Variants in RAB38 observed in about 807,000 individuals in gnomAD.
RAB38 encodes the protein RAB38, member RAS oncogene family, also known as ras-related protein Rab-38.
RAB38 carries 15 observed loss-of-function variants against 18.4 expected under a neutral mutation model. The observed-to-expected ratio is 0.82, with a 90% CI of 0.55 to 1.26. The LOEUF (loss-of-function observed/expected upper bound fraction) is 1.26. Among genes scored for constraint, RAB38 ranks in the 50% most tolerant of loss-of-function variants. The pLI, the probability that RAB38 is intolerant of heterozygous loss-of-function variation, is 0.00. For synonymous variants in RAB38, 101 were observed against 104.4 expected (o/e 0.97, Z 0.20); for missense variants, 294 against 267.4 (o/e 1.10, Z -0.69).
chr11:87,817,852 T>C, the RAB38 span, among the ~76,000 whole-genome samples: 1 of 152,128 alleles, frequency 6.6e-6, no homozygotes, highest in Admixed American at 6.5e-5. Context: ...TCAAATGCAG[T>C]CGAGGCAAAA....
At chr11:88,087,825 G>A in the RAB38 span, among the ~76,000 whole-genome samples, 20 of 151,990 alleles carry the variant, frequency 1.3e-4, 1 homozygote, top group South Asian at 3.5e-3. Flanking sequence ...ACCATTTGCT[G>A]GTTCCTGATG....
chr11:88,105,069 C>T, the RAB38 span, among the ~76,000 whole-genome samples: 1 of 151,972 alleles, frequency 6.6e-6, no homozygotes, highest in East Asian at 1.9e-4. Flanking sequence ...ATATTTACCT[C>T]CTGATTCTTG....
the RAB38 span, among the ~76,000 whole-genome samples, chr11:87,819,736 G>GTATGTATATATA: frequency 5.7e-5 from 7 of 122,554 alleles, no homozygotes; most frequent in African/African-American, 2.4e-4. Flanking sequence ...ATATATATGT[G>GTATGTATATATA]TATATATATA....
chr11:88,127,120 G>T (rs1455318525), intron 2 of RAB38, among the ~76,000 whole-genome samples: 2 of 152,166 alleles, frequency 1.3e-5, no homozygotes, highest in Non-Finnish European at 2.9e-5. Context: ...ATACAAAAGT[G>T]TTTCTTAATC....
chr11:88,104,080 C>A, the RAB38 span, among the ~76,000 whole-genome samples: 2 of 151,922 alleles, frequency 1.3e-5, no homozygotes, highest in East Asian at 1.9e-4. Context: ...TGGGCTTTGG[C>A]AACACTTTCT....
At chr11:88,027,214 C>T in the RAB38 span, among the ~76,000 whole-genome samples, 1 of 151,060 alleles carries the variant, frequency 6.6e-6, no homozygotes, top group Non-Finnish European at 1.5e-5. Context: ...TTTTTTGCAT[C>T]CATTAAGAAA....
chr11:88,071,655 G>C, the RAB38 span, among the ~76,000 whole-genome samples: 2 of 152,170 alleles, frequency 1.3e-5, no homozygotes, highest in South Asian at 4.1e-4. Context: ...AAGGAGACTT[G>C]ATAATGACCA....
At chr11:87,816,019 A>G in the RAB38 span, 2 of 152,450 alleles carry the variant, frequency 1.3e-5, no homozygotes, top group African/African-American at 2.4e-5. Context: ...ATAGTCCTGT[A>G]ATGATTTGGA....
intron 2 of RAB38, chr11:88,115,867 T>G (rs1463550591): frequency 6.6e-6 from 1 of 152,180 alleles, no homozygotes; most frequent in Non-Finnish European, 1.5e-5. Context: ...TTTAACACCC[T>G]TTAAGATAAA....
chr11:88,144,762 T>C (rs1295865938), intron 2 of RAB38, among the ~76,000 whole-genome samples: 1 of 152,166 alleles, frequency 6.6e-6, no homozygotes, highest in African/African-American at 2.4e-5. Flanking sequence ...ACCAAGGGTA[T>C]CTGTCAGGAG....
chr11:88,045,270 CTTAA>C, the RAB38 span, among the ~76,000 whole-genome samples: 145 of 152,294 alleles, frequency 9.5e-4, no homozygotes, highest in African/African-American at 3.3e-3. Context: ...CACAACAGGA[CTTAA>C]TTAAACTCAC....
the RAB38 span, among the ~76,000 whole-genome samples, chr11:88,005,291 T>C: frequency 1.3e-5 from 2 of 151,234 alleles, no homozygotes; most frequent in Non-Finnish European, 3.0e-5. Context: ...GACATACAGA[T>C]TAGTTGTAAG....
the RAB38 span, among the ~76,000 whole-genome samples, chr11:87,930,832 C>T: frequency 2.2e-5 from 3 of 138,692 alleles, no homozygotes; most frequent in Non-Finnish European, 4.6e-5. Context: ...AATCCTTTCC[C>T]CATTTCTTGT....
chr11:87,967,397 C>A, the RAB38 span, among the ~76,000 whole-genome samples: 1 of 152,120 alleles, frequency 6.6e-6, no homozygotes, highest in Non-Finnish European at 1.5e-5. Context: ...GGGTCAATAG[C>A]TGTACTGCCC....
the RAB38 span, among the ~76,000 whole-genome samples, chr11:88,012,300 T>C: frequency 6.6e-6 from 1 of 152,234 alleles, no homozygotes; most frequent in South Asian, 2.1e-4. Context: ...GGAAGGACAC[T>C]GGAGGAAGTA....
At chr11:88,004,044 G>A in the RAB38 span, among the ~76,000 whole-genome samples, 3 of 135,006 alleles carry the variant, frequency 2.2e-5, no homozygotes, top group Non-Finnish European at 3.2e-5. Context: ...TATATATATG[G>A]GAGAAGGTAT....
chr11:88,066,735 C>T, the RAB38 span, among the ~76,000 whole-genome samples: 1 of 152,184 alleles, frequency 6.6e-6, no homozygotes, highest in African/African-American at 2.4e-5. Flanking sequence ...AGACATAAAA[C>T]ATTCCACTCC....
chr11:87,810,370 A>G, the RAB38 span, among the ~76,000 whole-genome samples: 1 of 152,130 alleles, frequency 6.6e-6, no homozygotes, highest in African/African-American at 2.4e-5. Flanking sequence ...ATAGGCATGC[A>G]CCACCATGTC....
chr11:88,045,256 A>G, the RAB38 span, among the ~76,000 whole-genome samples: 76 of 152,180 alleles, frequency 5.0e-4, no homozygotes, highest in African/African-American at 1.8e-3. Flanking sequence ...CGGCCCCCAA[A>G]CCCCACAACA....
Sources: allele counts gnomAD v4.1 joint callset (sites outside exome capture counted in the v4.1 genomes callset), GRCh38; gene constraint gnomAD v4.1.1; transcripts MANE v1.5; gene names NCBI Gene and HGNC (gene_info 2026-07-23, HGNC 2026-07-21).